ARHGAP15: variants seen among roughly 807,000 people sequenced by gnomAD.
The protein encoded by ARHGAP15 is rho GTPase-activating protein 15.
ARHGAP15 carries 51 observed loss-of-function variants against 63.7 expected under a neutral mutation model. The ratio of observed to expected loss-of-function variants is 0.80; its 90% confidence interval spans 0.64 to 1.01. The LOEUF is 1.01. Ranked by LOEUF, ARHGAP15 falls within the 50% of genes least tolerant of loss-of-function variation. ARHGAP15 has a pLI of 0.00. For synonymous variants in ARHGAP15, 191 were observed against 193.8 expected, an observed-to-expected ratio of 0.99 and a Z score of 0.12; for missense variants, 560 against 564.6, an observed-to-expected ratio of 0.99 and a Z score of 0.08.
intron 8 of ARHGAP15, among the ~76,000 whole-genome samples, chr2:143,452,614 G>A (rs1457746500): frequency 1.3e-5 from 2 of 151,516 alleles, no homozygotes; most frequent in Admixed American, 1.3e-4. Flanking sequence ...TGTGTGCTGA[G>A]GTGCACCCTT....
At chr2:143,693,036 TAATGG>T (rs945380911) in intron 12 of ARHGAP15, among the ~76,000 whole-genome samples, 8 of 152,146 alleles carry the variant, frequency 5.3e-5, no homozygotes. Context: ...AGTTTTTTTT[TAATGG>T]AATGATAGGT....
chr2:143,433,285 T>C (rs1689468188), intron 6 of ARHGAP15, among the ~76,000 whole-genome samples: 1 of 152,058 alleles, frequency 6.6e-6, no homozygotes, highest in African/African-American at 2.4e-5. Context: ...ACAAAGTCAA[T>C]TACTGACTGT....
chr2:143,189,521 G>T (rs1447074618), intron 2 of ARHGAP15, among the ~76,000 whole-genome samples: 1 of 136,424 alleles, frequency 7.3e-6, no homozygotes, highest in African/African-American at 2.8e-5. Context: ...TTTTTTGGGA[G>T]ACAGTCTCAT....
chr2:143,415,922 T>TA (rs1688655827), intron 6 of ARHGAP15, among the ~76,000 whole-genome samples: 1 of 151,840 alleles, frequency 6.6e-6, no homozygotes, highest in Admixed American at 6.6e-5. Flanking sequence ...GGAGCTAAGA[T>TA]ATGAGGATGC....
intron 6 of ARHGAP15, among the ~76,000 whole-genome samples, chr2:143,343,192 A>C (rs984437133): frequency 1.3e-5 from 2 of 152,070 alleles, no homozygotes; most frequent in Non-Finnish European, 2.9e-5. Context: ...CAGGAAAATC[A>C]TATTTAATCT....
At chr2:143,347,249 T>A (rs1453428030) in intron 6 of ARHGAP15, among the ~76,000 whole-genome samples, 1 of 152,174 alleles carries the variant, frequency 6.6e-6, no homozygotes, top group Non-Finnish European at 1.5e-5. Context: ...CAGTATTTTG[T>A]TAACACAGGC....
At chr2:143,577,055 A>G (rs1176578157) in intron 11 of ARHGAP15, among the ~76,000 whole-genome samples, 2 of 152,172 alleles carry the variant, frequency 1.3e-5, no homozygotes, top group African/African-American at 4.8e-5. Flanking sequence ...AACATCTACA[A>G]TGGAATGTAT....
chr2:143,177,329 T>A (rs1201089625), intron 2 of ARHGAP15, among the ~76,000 whole-genome samples: 1 of 152,090 alleles, frequency 6.6e-6, no homozygotes, highest in Non-Finnish European at 1.5e-5. Context: ...TCCATCAGCT[T>A]GAGGGGGAAT....
At chr2:143,457,355 A>G (rs1690708486) in intron 8 of ARHGAP15, among the ~76,000 whole-genome samples, 1 of 151,998 alleles carries the variant, frequency 6.6e-6, no homozygotes, top group South Asian at 2.1e-4. Flanking sequence ...CCTAGCCAAC[A>G]TAGTAAGACC....
intron 5 of ARHGAP15, chr2:143,236,280 TA>T (rs373586220): frequency 8.9e-6 from 2 of 224,508 alleles, no homozygotes; most frequent in African/African-American, 4.5e-5. Context: ...ACTAAAGTGT[TA>T]AAAAATATTA....
chr2:143,217,144 G>A (rs546656841), intron 4 of ARHGAP15, among the ~76,000 whole-genome samples: 1 of 152,200 alleles, frequency 6.6e-6, no homozygotes, highest in East Asian at 1.9e-4. Flanking sequence ...GAGAGACAAG[G>A]CATTTACTCT....
intron 2 of ARHGAP15, among the ~76,000 whole-genome samples, chr2:143,166,142 C>T (rs779495914): frequency 8.5e-5 from 13 of 152,116 alleles, no homozygotes; most frequent in Admixed American, 2.6e-4. Context: ...TGTGACATCC[C>T]GATTATTCTC....
At chr2:143,614,348 A>G (rs906989580) in intron 11 of ARHGAP15, among the ~76,000 whole-genome samples, 2 of 152,228 alleles carry the variant, frequency 1.3e-5, no homozygotes, top group Non-Finnish European at 2.9e-5. Context: ...TGAGCATAGA[A>G]GCTAGATCTT....
chr2:143,663,787 T>C (rs1306086908), intron 12 of ARHGAP15, among the ~76,000 whole-genome samples: 1 of 151,712 alleles, frequency 6.6e-6, no homozygotes, highest in Non-Finnish European at 1.5e-5. Flanking sequence ...TAAAACAGAC[T>C]TTAAACCAAC....
intron 6 of ARHGAP15, among the ~76,000 whole-genome samples, chr2:143,324,160 C>T (rs1684151784): frequency 6.6e-6 from 1 of 152,088 alleles, no homozygotes; most frequent in African/African-American, 2.4e-5. Context: ...AATGCACCCA[C>T]ATACATAGGA....
intron 3 of ARHGAP15, among the ~76,000 whole-genome samples, chr2:143,212,311 T>A (rs1437128979): frequency 6.6e-6 from 1 of 152,244 alleles, no homozygotes; most frequent in Non-Finnish European, 1.5e-5. Context: ...TTCTCATCTG[T>A]ATCTCAGCAT....
chr2:143,637,946 A>G (rs1328077816), intron 12 of ARHGAP15, among the ~76,000 whole-genome samples: 3 of 152,058 alleles, frequency 2.0e-5, no homozygotes, highest in East Asian at 3.9e-4. Flanking sequence ...CTAAACCGCA[A>G]TGAGATACCA....
At chr2:143,199,585 A>G (rs868237765) in intron 2 of ARHGAP15, among the ~76,000 whole-genome samples, 2 of 152,118 alleles carry the variant, frequency 1.3e-5, no homozygotes, top group Admixed American at 6.5e-5. Flanking sequence ...GTAAGGAAAG[A>G]GAGGACATGG....
intron 6 of ARHGAP15, among the ~76,000 whole-genome samples, chr2:143,288,828 C>T (rs1682244755): frequency 6.6e-6 from 1 of 151,950 alleles, no homozygotes; most frequent in Non-Finnish European, 1.5e-5. Context: ...CACCCAGTAG[C>T]AAGACACCCA....
Sources: allele counts gnomAD v4.1 joint callset (sites outside exome capture counted in the v4.1 genomes callset), GRCh38; gene constraint gnomAD v4.1.1; transcripts MANE v1.5; gene names NCBI Gene and HGNC (gene_info 2026-07-23, HGNC 2026-07-21).